DDHD1: variants seen among roughly 807,000 people sequenced by gnomAD.
DDHD1 encodes phospholipase DDHD1.
DDHD1 carries 49 observed loss-of-function variants against 96.4 expected under a neutral mutation model. The ratio of observed to expected loss-of-function variants is 0.51; its 90% CI spans 0.40 to 0.64. DDHD1 has a LOEUF of 0.64. DDHD1 is among the 30% of genes least tolerant of loss of function. The probability of loss-of-function intolerance (pLI) is 0.00; values close to 1 mark genes in which losing one functional copy is unlikely to be tolerated. For missense variants in DDHD1, 1,106 were observed against 1,161.2 expected (o/e 0.95, Z 0.69); for synonymous variants, 442 against 446.5 (o/e 0.99, Z 0.13).
At chr14:53,116,345 G>A (rs545822101) in intron 1 of DDHD1, among the ~76,000 whole-genome samples, 32 of 152,240 alleles carry the variant, frequency 2.1e-4, no homozygotes, top group Middle Eastern at 6.8e-3. Flanking sequence ...GGATATTCAG[G>A]ACTTGAACTC....
chr14:53,145,098 C>A (rs993695564), intron 1 of DDHD1, among the ~76,000 whole-genome samples: 16 of 151,832 alleles, frequency 1.1e-4, no homozygotes, highest in Non-Finnish European at 2.2e-4. Flanking sequence ...TGCAGTGAGC[C>A]GAGATGGCGC....
intron 6 of DDHD1, among the ~76,000 whole-genome samples, chr14:53,071,148 C>T (rs1884475115): frequency 6.6e-6 from 1 of 152,142 alleles, no homozygotes; most frequent in African/African-American, 2.4e-5. Context: ...AGAATATCCA[C>T]TTTGCAGATA....
chr14:53,147,907 C>T (rs951576740), intron 1 of DDHD1, among the ~76,000 whole-genome samples: 13 of 152,062 alleles, frequency 8.5e-5, no homozygotes, highest in Admixed American at 3.3e-4. Flanking sequence ...CCCATGATGC[C>T]CTGTGCCACA....
At chr14:53,072,094 G>C (rs1884556922) in intron 6 of DDHD1, among the ~76,000 whole-genome samples, 1 of 152,058 alleles carries the variant, frequency 6.6e-6, no homozygotes, top group African/African-American at 2.4e-5. Flanking sequence ...CTACTAAACA[G>C]AATTCTCCTT....
intron 1 of DDHD1, among the ~76,000 whole-genome samples, chr14:53,134,315 A>C (rs1008389130): frequency 6.6e-6 from 1 of 152,168 alleles, no homozygotes; most frequent in African/African-American, 2.4e-5. Flanking sequence ...ACTATCCCCA[A>C]TCAGCCACTC....
chr14:53,063,314 A>G, intron 6 of DDHD1, 109 bp from the exon 7 acceptor site: 1 of 1,256,756 alleles, frequency 8.0e-7, no homozygotes, highest in Non-Finnish European at 1.1e-6. Flanking sequence ...CCGATCAAAT[A>G]TACCTAGGTT....
intron 1 of DDHD1, among the ~76,000 whole-genome samples, chr14:53,135,636 G>A (rs1890178827): frequency 6.6e-6 from 1 of 152,212 alleles, no homozygotes; most frequent in Non-Finnish European, 1.5e-5. Context: ...TAACATTCCT[G>A]AACAGGAAGG....
intron 4 of DDHD1, among the ~76,000 whole-genome samples, chr14:53,089,230 T>C (rs1323327485): frequency 6.6e-6 from 1 of 152,082 alleles, no homozygotes; most frequent in Non-Finnish European, 1.5e-5. Flanking sequence ...ATGAAAATGG[T>C]CATAATGCCA....
At chr14:53,139,283 C>A (rs1347040634) in intron 1 of DDHD1, among the ~76,000 whole-genome samples, 2 of 152,080 alleles carry the variant, frequency 1.3e-5, no homozygotes, top group Non-Finnish European at 2.9e-5. Flanking sequence ...CTTCCCCACT[C>A]TCGCCCACAC....
chr14:53,050,380 C>A (rs1440881872), intron 12 of DDHD1, among the ~76,000 whole-genome samples: 1 of 152,114 alleles, frequency 6.6e-6, no homozygotes, highest in East Asian at 1.9e-4. Flanking sequence ...ACAAATCTAG[C>A]TATTCATTTC....
chr14:53,072,621 A>G lies in DDHD1; in HGVS notation c.1479T>C (p.Tyr493=). 6.2e-7 allele frequency: 1 copy of G among 1,605,214 alleles called. No homozygotes were observed. The highest frequency in any genetic ancestry group is 8.5e-7 in the Non-Finnish European group (1 of 1,174,152). ...LNSSAMDIMY[Y]TSPLYRDELV... Reference sequence around the variant, plus strand: ...CTTCATCTCTATAAAGTGGACTAGTATAATACATTATGTCCATTGCACTGC... The same window carrying G: ...CTTCATCTCTATAAAGTGGACTAGTGTAATACATTATGTCCATTGCACTGC... The change falls in exon 6 of 13, where the codon TAT becomes TAC. Residue 493 remains tyrosine (Y), a synonymous_variant. Transcript: ENST00000673822.
intron 2 of DDHD1, chr14:53,102,908 A>G: frequency 1.1e-6 from 1 of 883,200 alleles, no homozygotes; most frequent in Non-Finnish European, 1.7e-6. Context: ...TTAATTCATT[A>G]GATTCAGTAG....
intron 6 of DDHD1, among the ~76,000 whole-genome samples, chr14:53,065,185 A>G (rs1010264929): frequency 6.6e-6 from 1 of 152,204 alleles, no homozygotes; most frequent in African/African-American, 2.4e-5. Flanking sequence ...AAATTTACGA[A>G]GGAAATGAAC....
At chr14:53,094,082 CAGG>C (rs1886669126) in intron 2 of DDHD1, among the ~76,000 whole-genome samples, 1 of 151,938 alleles carries the variant, frequency 6.6e-6, no homozygotes, top group Admixed American at 6.6e-5. Context: ...GAGGCTGAGG[CAGG>C]AGAATGGCGT....
chr14:53,117,911 C>A (rs1888676087), intron 1 of DDHD1, among the ~76,000 whole-genome samples: 1 of 152,162 alleles, frequency 6.6e-6, no homozygotes, highest in Admixed American at 6.5e-5. Flanking sequence ...TATTGGCCGA[C>A]AGACACCTCA....
chr14:53,122,545 C>G (rs933981952), intron 1 of DDHD1, among the ~76,000 whole-genome samples: 3 of 151,386 alleles, frequency 2.0e-5, no homozygotes, highest in Admixed American at 6.6e-5. Flanking sequence ...TCTTTACACA[C>G]TTCTCTTTGC....
intron 4 of DDHD1, among the ~76,000 whole-genome samples, chr14:53,074,991 T>G (rs1199533905): frequency 6.6e-6 from 1 of 152,164 alleles, no homozygotes; most frequent in African/African-American, 2.4e-5. Context: ...GATAAATGTA[T>G]GTGGTCTGAC....
intron 1 of DDHD1, among the ~76,000 whole-genome samples, chr14:53,142,402 C>T (rs1890699209): frequency 6.7e-6 from 1 of 149,782 alleles, no homozygotes; most frequent in Non-Finnish European, 1.5e-5. Flanking sequence ...TCATAGTTTT[C>T]ATGCTAAGGT....
intron 1 of DDHD1, among the ~76,000 whole-genome samples, chr14:53,108,293 C>G (rs1323266254): frequency 1.3e-5 from 2 of 152,214 alleles, no homozygotes; most frequent in Non-Finnish European, 2.9e-5. Flanking sequence ...CGGGTTCATC[C>G]TAATTGAGCT....
Sources: allele counts gnomAD v4.1 joint callset (sites outside exome capture counted in the v4.1 genomes callset), GRCh38; gene constraint gnomAD v4.1.1; transcripts MANE v1.5; gene names NCBI Gene and HGNC (gene_info 2026-07-23, HGNC 2026-07-21).